KCNN2: variants seen among roughly 807,000 people sequenced by gnomAD.
KCNN2 encodes small conductance calcium-activated potassium channel protein 2.
KCNN2 carries 24 observed loss-of-function variants against 55.5 expected under a neutral mutation model. The observed-to-expected ratio is 0.43, with a 90% confidence interval of 0.31 to 0.61. The LOEUF (loss-of-function observed/expected upper bound fraction) is 0.61, where lower values mean the gene tolerates loss of function less well. KCNN2 is among the 20% of genes least tolerant of loss of function. The pLI is 0.08. For missense variants in KCNN2, 754 were observed against 853.6 expected (o/e 0.88, Z 1.45); for synonymous variants, 431 against 336.1 (o/e 1.28, Z -3.09).
chr5:114,468,294 CA>C (rs1177337603), intron 4 of KCNN2, among the ~76,000 whole-genome samples: 52 of 152,222 alleles, frequency 3.4e-4, no homozygotes, highest in Middle Eastern at 3.4e-3. Flanking sequence ...TTGATTGTTT[CA>C]CATGTTTTTA....
At chr5:114,462,940 A>G in intron 3 of KCNN2, 109 bp from the exon 4 acceptor site, 1 of 1,012,938 alleles carries the variant, frequency 9.9e-7, no homozygotes, top group Non-Finnish European at 1.5e-6. Context: ...ACTTCTAAAT[A>G]TAGCAGTTTA....
At chr5:114,475,091 AAAAGAC>A (rs949953091) in intron 5 of KCNN2, among the ~76,000 whole-genome samples, 3 of 152,282 alleles carry the variant, frequency 2.0e-5, no homozygotes, top group Admixed American at 6.5e-5. Context: ...AAAGAGTTAG[AAAAGAC>A]AAAGACTTTG....
intron 1 of KCNN2, 113 bp downstream of exon 1, chr5:114,363,374 G>A (rs1208746836): frequency 7.6e-6 from 10 of 1,322,008 alleles, no homozygotes; most frequent in Non-Finnish European, 9.0e-6. Context: ...GACGATCAAG[G>A]GAGCCCGCCA....
intron 2 of KCNN2, among the ~76,000 whole-genome samples, chr5:114,315,461 GTGTGTATA>G (rs202035388): frequency 0.16 from 15,150 of 93,638 alleles, 1,271 homozygotes; most frequent in East Asian, 0.64. Flanking sequence ...GTGTGTGTGT[GTGTGTATA>G]TATATATAAA....
intron 2 of KCNN2, among the ~76,000 whole-genome samples, chr5:114,258,030 G>T (rs1008463286): frequency 6.6e-6 from 1 of 152,070 alleles, no homozygotes. Context: ...TGCCTAGTTT[G>T]TTGAGGGTTT....
intron 2 of KCNN2, among the ~76,000 whole-genome samples, chr5:114,395,085 C>T (rs1049626335): frequency 1.3e-5 from 2 of 152,104 alleles, no homozygotes; most frequent in Admixed American, 6.5e-5. Context: ...GAATTGTCCC[C>T]GACTGCAAGA....
chr5:114,094,728 C>T (rs1043834305), intron 1 of KCNN2, among the ~76,000 whole-genome samples: 3 of 152,120 alleles, frequency 2.0e-5, no homozygotes, highest in African/African-American at 7.2e-5. Context: ...CCTATTTTGA[C>T]AATTATAAGA....
intron 2 of KCNN2, among the ~76,000 whole-genome samples, chr5:114,325,355 C>G (rs539473013): frequency 1.3e-5 from 2 of 152,266 alleles, no homozygotes; most frequent in East Asian, 3.9e-4. Flanking sequence ...GGAAAATTCT[C>G]AACCTATCCA....
chr5:114,139,785 C>G (rs989798447), intron 1 of KCNN2, among the ~76,000 whole-genome samples: 1 of 151,462 alleles, frequency 6.6e-6, no homozygotes, highest in African/African-American at 2.4e-5. Flanking sequence ...AAAAATATAT[C>G]ATAGACTTTG....
chr5:114,438,175 G>A (rs907635979), intron 3 of KCNN2, among the ~76,000 whole-genome samples: 7 of 152,154 alleles, frequency 4.6e-5, no homozygotes, highest in South Asian at 2.1e-4. Flanking sequence ...ATTTCTGAGC[G>A]TAGTGATTCC....
intron 1 of KCNN2, among the ~76,000 whole-genome samples, chr5:114,095,657 G>T (rs1384354217): frequency 1.3e-5 from 2 of 152,078 alleles, no homozygotes; most frequent in African/African-American, 4.8e-5. Flanking sequence ...TTTCTTATTT[G>T]CATTTTCTAC....
At chr5:114,227,164 T>C (rs1214614281) in intron 2 of KCNN2, among the ~76,000 whole-genome samples, 1 of 152,192 alleles carries the variant, frequency 6.6e-6, no homozygotes, top group African/African-American at 2.4e-5. Flanking sequence ...AAATGTACAC[T>C]CTTTTAGGCA....
intron 1 of KCNN2, among the ~76,000 whole-genome samples, chr5:114,119,074 A>G (rs1469675211): frequency 6.6e-6 from 1 of 152,234 alleles, no homozygotes; most frequent in East Asian, 1.9e-4. Flanking sequence ...AACATGCAGT[A>G]TATTAAGTGC....
intron 2 of KCNN2, among the ~76,000 whole-genome samples, chr5:114,273,780 T>C (rs184896486): frequency 8.5e-4 from 130 of 152,332 alleles, no homozygotes; most frequent in African/African-American, 3.1e-3. Flanking sequence ...TGCAAAAATT[T>C]TCTCCCATTC....
At chr5:114,371,996 C>T (rs1310064138) in intron 2 of KCNN2, among the ~76,000 whole-genome samples, 5 of 152,298 alleles carry the variant, frequency 3.3e-5, no homozygotes, top group Admixed American at 6.5e-5. Context: ...TTTACGTTTA[C>T]TAACCCTTTT....
chr5:114,279,320 A>G (rs1182485057), intron 2 of KCNN2, among the ~76,000 whole-genome samples: 9 of 151,640 alleles, frequency 5.9e-5, no homozygotes, highest in Admixed American at 5.9e-4. Flanking sequence ...TTTTTATTAT[A>G]CTTTAAGTTT....
intron 2 of KCNN2, among the ~76,000 whole-genome samples, chr5:114,271,086 G>C (rs1480317000): frequency 6.6e-6 from 1 of 152,164 alleles, no homozygotes; most frequent in East Asian, 1.9e-4. Context: ...TGCTGGCTCA[G>C]GTGGCCAGCT....
At chr5:114,156,799 A>G (rs1580567450) in intron 1 of KCNN2, among the ~76,000 whole-genome samples, 2 of 151,908 alleles carry the variant, frequency 1.3e-5, no homozygotes, top group East Asian at 3.9e-4. Context: ...AATATGTTGT[A>G]AGATGATTTG....
chr5:114,241,774 A>ATGTG (rs1561537133), intron 2 of KCNN2, among the ~76,000 whole-genome samples: 2,369 of 14,462 alleles, frequency 0.16, 702 homozygotes, highest in East Asian at 0.45. Context: ...GTATATATAT[A>ATGTG]CATATATACG....
Sources: allele counts gnomAD v4.1 joint callset (sites outside exome capture counted in the v4.1 genomes callset), GRCh38; gene constraint gnomAD v4.1.1; transcripts MANE v1.5; gene names NCBI Gene and HGNC (gene_info 2026-07-23, HGNC 2026-07-21).